The following NEO1 variants were observed in gnomAD, a reference collection of about 807,000 sequenced individuals.
The protein encoded by NEO1 is neogenin 1.
A neutral mutation model predicts 159.7 loss-of-function variants in NEO1; 63 were observed. The observed-to-expected ratio is 0.39, with a 90% CI of 0.32 to 0.49. NEO1 has a LOEUF of 0.49. NEO1 is among the 20% of genes least tolerant of loss of function. The pLI, the probability that NEO1 is intolerant of heterozygous loss-of-function variation, is 0.85. For missense variants in NEO1, 1,615 were observed against 1,831.0 expected, an observed-to-expected ratio of 0.88 and a Z score of 2.15; for synonymous variants, 633 against 662.0, an observed-to-expected ratio of 0.96 and a Z score of 0.67.
chr15:73,290,224 A>ATTTTTTT lies in NEO1; in HGVS notation c.3742+1008_3742+1014dup, dbSNP rs34114271. Among the ~76,000 whole-genome samples, 6 of 82,274 alleles carry ATTTTTTT rather than the reference A, an allele frequency of 7.3e-5. 1 individual carries two copies. The highest frequency in any genetic ancestry group is 8.6e-4 in the East Asian group (2 of 2,332). 54.0% of individuals were successfully genotyped at this position (82,274 alleles called of 152,430 possible). A position where few individuals can be genotyped will look rare whatever the true frequency, so the allele number is the denominator to read the frequency against. Reference sequence around the variant, plus strand: ...ATAGCTTTAGGTTTTACTGTGTGGAATTTTTTTTTTTTTTTTTTTTTTTTT... The same window carrying ATTTTTTT: ...ATAGCTTTAGGTTTTACTGTGTGGAATTTTTTTTTTTTTTTTTTTTTTTTTTTTTTTT... On this transcript the variant is annotated intron_variant, in intron 25 of 28. Coordinates refer to ENST00000261908, the MANE Select transcript of NEO1 (RefSeq NM_002499.4).
At chr15:73,170,067 A>G (rs916083385) in intron 5 of NEO1, among the ~76,000 whole-genome samples, 2 of 152,142 alleles carry the variant, frequency 1.3e-5, no homozygotes, top group African/African-American at 4.8e-5. Flanking sequence ...AGGCGACTCC[A>G]AAGGTGTATC....
chr15:73,243,998 T>A (rs1027028133), intron 8 of NEO1, among the ~76,000 whole-genome samples: 1 of 152,176 alleles, frequency 6.6e-6, no homozygotes, highest in Non-Finnish European at 1.5e-5. Context: ...TTCCATCAAT[T>A]TCCCTAAAAC....
At chr15:73,241,229 G>A (rs1356066570) in intron 8 of NEO1, among the ~76,000 whole-genome samples, 2 of 152,168 alleles carry the variant, frequency 1.3e-5, no homozygotes, top group Admixed American at 1.3e-4. Flanking sequence ...AGTGGGAAGT[G>A]GAAAGTAAGG....
At chr15:73,126,650 TTA>T in intron 4 of NEO1, 80 bp downstream of exon 4, 1 of 1,326,694 alleles carries the variant, frequency 7.5e-7, no homozygotes, top group Non-Finnish European at 1.0e-6. Context: ...ATTGACTAAT[TTA>T]AAAAGATTAT....
intron 22 of NEO1, among the ~76,000 whole-genome samples, chr15:73,279,493 C>T (rs368371178): frequency 1.3e-5 from 2 of 151,670 alleles, no homozygotes; most frequent in Middle Eastern, 3.2e-3. Flanking sequence ...GGATTACAAG[C>T]GCCTGCCACC....
At chr15:73,222,926 T>G (rs575547097) in intron 7 of NEO1, among the ~76,000 whole-genome samples, 31 of 152,314 alleles carry the variant, frequency 2.0e-4, no homozygotes, top group South Asian at 4.1e-4. Flanking sequence ...GCTATGAACT[T>G]TCCTTTTAGC....
chr15:73,133,441 G>T (rs2031381220), intron 4 of NEO1, among the ~76,000 whole-genome samples: 1 of 152,154 alleles, frequency 6.6e-6, no homozygotes. Context: ...TACATGTTGG[G>T]TGCAGTGTAC....
At chr15:73,111,534 T>G (rs2070990084) in intron 1 of NEO1, among the ~76,000 whole-genome samples, 1 of 152,220 alleles carries the variant, frequency 6.6e-6, no homozygotes, top group Non-Finnish European at 1.5e-5. Flanking sequence ...AAAATGTTTT[T>G]CTTTAGCTAT....
At chr15:73,122,431 T>C (rs932529806) in intron 2 of NEO1, 94 bp from the exon 3 acceptor site, 1 of 1,167,804 alleles carries the variant, frequency 8.6e-7, no homozygotes, top group African/African-American at 1.6e-5. Flanking sequence ...CCATATGTTG[T>C]AGCCATGTGA....
intron 27 of NEO1, among the ~76,000 whole-genome samples, chr15:73,300,209 C>A (rs927110908): frequency 1.3e-5 from 2 of 152,188 alleles, no homozygotes; most frequent in Non-Finnish European, 2.9e-5. Flanking sequence ...TTCTCAAGAC[C>A]ATGGTGGCGG....
chr15:73,161,518 G>A (rs1009493073), intron 5 of NEO1, among the ~76,000 whole-genome samples: 1 of 152,222 alleles, frequency 6.6e-6, no homozygotes, highest in African/African-American at 2.4e-5. Flanking sequence ...CCATTTCCAT[G>A]TCTGACCACT....
intron 1 of NEO1, among the ~76,000 whole-genome samples, chr15:73,077,751 C>T (rs6495047): frequency 0.55 from 83,933 of 151,884 alleles, 23,629 homozygotes; most frequent in Middle Eastern, 0.62. Flanking sequence ...GCATATCATA[C>T]GTAAAAATAA....
At chr15:73,093,842 G>A (rs1416960941) in intron 1 of NEO1, among the ~76,000 whole-genome samples, 3 of 152,170 alleles carry the variant, frequency 2.0e-5, no homozygotes, top group African/African-American at 7.2e-5. Context: ...GCCTCCCAGA[G>A]TGCTGGGATT....
chr15:73,095,518 C>A (rs1322487320), intron 1 of NEO1, among the ~76,000 whole-genome samples: 1 of 152,070 alleles, frequency 6.6e-6, no homozygotes, highest in Non-Finnish European at 1.5e-5. Context: ...TGGTAGAGTA[C>A]TTCTATAAAC....
chr15:73,151,680 G>A (rs1018229170), intron 5 of NEO1, among the ~76,000 whole-genome samples: 1 of 152,160 alleles, frequency 6.6e-6, no homozygotes, highest in African/African-American at 2.4e-5. Context: ...TCACTATCAT[G>A]AGAACAGCAT....
intron 1 of NEO1, among the ~76,000 whole-genome samples, chr15:73,109,680 A>G (rs567570939): frequency 1.3e-5 from 2 of 152,286 alleles, no homozygotes; most frequent in South Asian, 2.1e-4. Context: ...CCTATAGGAC[A>G]TTATGATCCT....
At chr15:73,259,225 G>T in intron 14 of NEO1, 2 of 204,754 alleles carry the variant, frequency 9.8e-6, no homozygotes, top group South Asian at 1.9e-4. Flanking sequence ...TTTTCTTTTA[G>T]TCCTGGACAC....
chr15:73,120,228 C>T (rs1221104186), intron 2 of NEO1, among the ~76,000 whole-genome samples: 1 of 151,598 alleles, frequency 6.6e-6, no homozygotes, highest in Non-Finnish European at 1.5e-5. Flanking sequence ...CCTCCTTTCC[C>T]CAACTTGATC....
At chr15:73,135,792 A>C in intron 4 of NEO1, 99 bp from the exon 5 acceptor site, 2 of 1,056,868 alleles carry the variant, frequency 1.9e-6, no homozygotes, top group Non-Finnish European at 2.5e-6. Flanking sequence ...AAATAATAAT[A>C]CTCTTTAAGT....
Sources: gnomAD v4.1 joint callset for allele counts (sites outside exome capture counted in the v4.1 genomes callset) on GRCh38, gnomAD v4.1.1 for gene constraint, MANE v1.5 for transcripts, NCBI Gene and HGNC (gene_info 2026-07-23, HGNC 2026-07-21) for gene names.